The following BMPR2 variants were observed in gnomAD, a reference collection of about 807,000 sequenced individuals.
The protein encoded by BMPR2 is bone morphogenetic protein receptor type-2.
A neutral mutation model predicts 100.8 loss-of-function variants in BMPR2; 29 were observed. That is an observed-to-expected ratio of 0.29 (90% CI 0.21 to 0.39). The LOEUF (loss-of-function observed/expected upper bound fraction) is 0.39. Ranked by LOEUF, BMPR2 falls within the 10% of genes least tolerant of loss-of-function variation. The pLI is 1.00. For missense variants in BMPR2, 1,011 were observed against 1,274.5 expected (o/e 0.79, Z 3.15); for synonymous variants, 382 against 442.3 (o/e 0.86, Z 1.71).
chr2:202,532,755 G>A lies in BMPR2; in HGVS notation c.1276+23G>A. 2 of 1,606,946 alleles carry A rather than the reference G, an allele frequency of 1.2e-6. No homozygotes were observed. Among genetic ancestry groups the A allele is most frequent in the Non-Finnish European group, 1.7e-6 (2 of 1,178,496 alleles). On this transcript the variant is annotated intron_variant, in intron 9 of 12. Transcript: ENST00000374580. The surrounding 1 kb of genome is among the most constrained non-coding windows in gnomAD (Gnocchi z 4.1). The stretch of plus-strand genomic sequence containing the variant: ...CAGGTAAAAACTACTGTCAAAAGTT[G>A]ATATTTTTTGAAGTGAAGCAGTTAT...
chr2:202,519,151 C>A, intron 6 of BMPR2, 99 bp downstream of exon 6: 1 of 1,263,094 alleles, frequency 7.9e-7, no homozygotes, highest in Non-Finnish European at 1.2e-6. Flanking sequence ...CACTTGAGGC[C>A]AAGAGTTCAG....
intron 1 of BMPR2, among the ~76,000 whole-genome samples, chr2:202,391,006 T>TTG: frequency 7.1e-6 from 1 of 141,660 alleles, no homozygotes. Flanking sequence ...TTTTTTTTTT[T>TTG]TGGGAGATGG....
At chr2:202,384,722 T>A (rs1690391842) in intron 1 of BMPR2, among the ~76,000 whole-genome samples, 2 of 151,964 alleles carry the variant, frequency 1.3e-5, no homozygotes, top group South Asian at 4.2e-4. Flanking sequence ...GCCTCCTGAG[T>A]AGCTGGGATT....
rs74182354 is a variant in BMPR2, at chr2:202,534,948, G to T, written c.1276+2216G>T. 7.2e-4 allele frequency among the ~76,000 whole-genome samples: 80 copies of T among 110,538 alleles called. 3 individuals carry two copies. The highest frequency in any genetic ancestry group is 1.8e-3 in the African/African-American group (51 of 28,192). The allele number at this position is 110,538 out of a possible 152,430, so 72.5% of individuals were successfully genotyped here. On this transcript the variant is annotated intron_variant, in intron 9 of 12. Transcript: ENST00000374580. ...CGGACGGGGCGGCTGGCCGGGCGGGGGGCTGACCCCCCCCACCTCCTGGCC... is the reference window on the plus strand; with the variant it reads ...CGGACGGGGCGGCTGGCCGGGCGGGTGGCTGACCCCCCCCACCTCCTGGCC...
chr2:202,457,603 T>C (rs1199519514), intron 1 of BMPR2, among the ~76,000 whole-genome samples: 1 of 149,746 alleles, frequency 6.7e-6, no homozygotes, highest in Non-Finnish European at 1.5e-5. Flanking sequence ...GTATTATAGA[T>C]AAGCCATTAA....
intron 3 of BMPR2, among the ~76,000 whole-genome samples, chr2:202,507,852 A>C (rs934995381): frequency 6.6e-6 from 1 of 151,674 alleles, no homozygotes. Context: ...GGCATGTGCC[A>C]CCATGCCCGG....
At chr2:202,458,257 G>C (rs1692160249) in intron 1 of BMPR2, among the ~76,000 whole-genome samples, 1 of 135,760 alleles carries the variant, frequency 7.4e-6, no homozygotes, top group Non-Finnish European at 1.5e-5. Context: ...GACCAGCCTG[G>C]GCAACATAGC....
At chr2:202,534,879 G>A (rs1174201229) in intron 9 of BMPR2, among the ~76,000 whole-genome samples, 32 of 144,098 alleles carry the variant, frequency 2.2e-4, no homozygotes, top group Admixed American at 4.8e-4. Context: ...CCTCCCGGAC[G>A]GGGCGGCTGG....
chr2:202,513,681 T>A lies in BMPR2; in HGVS notation c.419-38T>A, dbSNP rs192379740. 2.6e-3 allele frequency: 3,653 copies of A among 1,395,572 alleles called. 16 individuals carry two copies. Among genetic ancestry groups the A allele is most frequent in the African/African-American group, 0.015 (1,013 of 69,260 alleles). The allele number at this position is 1,395,572 out of a possible 1,614,324, so 86.4% of individuals were successfully genotyped here. On this transcript the variant is annotated intron_variant, in intron 3 of 12. Coordinates refer to ENST00000374580, the MANE Select transcript of BMPR2 (RefSeq NM_001204.7). ...GTCAGTATTTAACAAAATACTTTTTTAAAAAAAAATGACATTTCAAAATTT... is the reference window on the plus strand; with the variant it reads ...GTCAGTATTTAACAAAATACTTTTTAAAAAAAAAATGACATTTCAAAATTT...
chr2:202,498,867 C>T (rs1016302540), intron 3 of BMPR2, among the ~76,000 whole-genome samples: 2 of 152,112 alleles, frequency 1.3e-5, no homozygotes, highest in Non-Finnish European at 2.9e-5. Flanking sequence ...AGTGTCTTAC[C>T]TTATGTTCGA....
At chr2:202,535,249 G>A (rs1445356820) in intron 9 of BMPR2, among the ~76,000 whole-genome samples, 7 of 151,988 alleles carry the variant, frequency 4.6e-5, no homozygotes, top group East Asian at 2.0e-4. Context: ...CTTCCCAGAC[G>A]GAGCGGCTGC....
At chr2:202,504,548 A>G (rs1319921728) in intron 3 of BMPR2, among the ~76,000 whole-genome samples, 3 of 152,038 alleles carry the variant, frequency 2.0e-5, no homozygotes, top group Non-Finnish European at 2.9e-5. Flanking sequence ...GAGCTGTAAC[A>G]CTCACTGCGA....
chr2:202,388,396 CAAAAAAAAA>C (rs71406975), intron 1 of BMPR2, among the ~76,000 whole-genome samples: 3 of 36,984 alleles, frequency 8.1e-5, no homozygotes, highest in African/African-American at 2.3e-4. Context: ...GACTCCATCT[CAAAAAAAAA>C]AAAAAAAAAA....
In BMPR2 at chr2:202,441,126, G is replaced by T. The variant is rs185867507; in HGVS notation, c.77-23683G>T. Among the ~76,000 whole-genome samples, 92 of 149,936 alleles carry T rather than the reference G, an allele frequency of 6.1e-4. 10 individuals carry two copies. The highest frequency in any genetic ancestry group is 2.3e-3 in the African/African-American group (90 of 39,490). The stretch of plus-strand genomic sequence containing the variant: ...CTCCCGAGTAGCTGGGACTACAGGC[G>T]CATGCTGCCACACCTGGTTAATTTT... On this transcript the variant is annotated intron_variant, in intron 1 of 12. Transcript: ENST00000374580.
Position 202,470,626 on chromosome 2 carries a change from C to T in BMPR2, c.418+2937C>T, listed in dbSNP as rs370891028. ...AATACAAAAAAAAATTAGCCGGGCG[C>T]GGTGGCGGGCGCCTGTAGTCCCAGC... On this transcript the variant is annotated intron_variant, in intron 3 of 12. Coordinates refer to ENST00000374580, the MANE Select transcript of BMPR2 (RefSeq NM_001204.7). Among the ~76,000 whole-genome samples, 220 of 151,626 alleles carry T rather than the reference C, an allele frequency of 1.5e-3. 1 individual carries two copies. Among genetic ancestry groups the T allele is most frequent in the South Asian group, 0.014 (67 of 4,802 alleles).
chr2:202,421,936 G>A (rs1691271422), intron 1 of BMPR2, among the ~76,000 whole-genome samples: 1 of 152,166 alleles, frequency 6.6e-6, no homozygotes, highest in Non-Finnish European at 1.5e-5. Flanking sequence ...TTGAGATGGA[G>A]TCTCGCTCTA....
At chr2:202,421,099 A>T (rs983355156) in intron 1 of BMPR2, among the ~76,000 whole-genome samples, 2 of 151,784 alleles carry the variant, frequency 1.3e-5, no homozygotes, top group Non-Finnish European at 2.9e-5. Flanking sequence ...AAATACAAAA[A>T]AATTAGCCGA....
At chr2:202,498,134 A>G (rs1415999702) in intron 3 of BMPR2, among the ~76,000 whole-genome samples, 1 of 152,038 alleles carries the variant, frequency 6.6e-6, no homozygotes, top group African/African-American at 2.4e-5. Flanking sequence ...TTTATAGGAC[A>G]GGGGTAAAGT....
intron 1 of BMPR2, among the ~76,000 whole-genome samples, chr2:202,393,886 A>AGC (rs1185291826): frequency 2.7e-3 from 108 of 40,566 alleles, no homozygotes; most frequent in African/African-American, 0.012. Flanking sequence ...AGAGAGCGAG[A>AGC]GAGAGAGAGA....
Sources: allele counts gnomAD v4.1 joint callset (sites outside exome capture counted in the v4.1 genomes callset), GRCh38; gene constraint gnomAD v4.1.1; non-coding constraint Gnocchi (gnomAD v3.1); transcripts MANE v1.5; gene names NCBI Gene and HGNC (gene_info 2026-07-23, HGNC 2026-07-21).